Variants in SKAP1 observed in about 807,000 individuals in gnomAD.
The protein encoded by SKAP1 is src kinase-associated phosphoprotein 1.
In SKAP1, 44 loss-of-function variants were observed where a neutral mutation model predicts 58.5. The observed-to-expected ratio is 0.75, with a 90% CI of 0.59 to 0.97. The LOEUF is 0.97. SKAP1 is among the 50% of genes least tolerant of loss of function. The pLI is 0.00. For missense variants in SKAP1, 390 were observed against 435.2 expected, an observed-to-expected ratio of 0.90 and a Z score of 0.92; for synonymous variants, 127 against 149.7, an observed-to-expected ratio of 0.85 and a Z score of 1.11.
At chr17:48,330,153 C>T (rs1168846501) in intron 4 of SKAP1, among the ~76,000 whole-genome samples, 6 of 152,180 alleles carry the variant, frequency 3.9e-5, no homozygotes, top group Non-Finnish European at 8.8e-5. Flanking sequence ...TCTCCCTGTA[C>T]AGGGCTTTCT....
intron 4 of SKAP1, among the ~76,000 whole-genome samples, chr17:48,335,983 CAT>C (rs1441005514): frequency 1.3e-5 from 2 of 152,112 alleles, no homozygotes; most frequent in Non-Finnish European, 2.9e-5. Context: ...CGTAAGCTCA[CAT>C]GTTGAGAACT....
At chr17:48,352,349 G>A (rs2066813632) in intron 3 of SKAP1, among the ~76,000 whole-genome samples, 1 of 152,124 alleles carries the variant, frequency 6.6e-6, no homozygotes, top group African/African-American at 2.4e-5. Flanking sequence ...GTACTAAAAT[G>A]GAACCTGCTG....
intron 4 of SKAP1, among the ~76,000 whole-genome samples, chr17:48,312,167 C>T (rs930595699): frequency 1.3e-5 from 2 of 152,210 alleles, no homozygotes; most frequent in Non-Finnish European, 2.9e-5. Flanking sequence ...TGTCCAAACA[C>T]ACAAACTACT....
chr17:48,183,668 A>G (rs1008755405), intron 7 of SKAP1, among the ~76,000 whole-genome samples: 2 of 152,162 alleles, frequency 1.3e-5, no homozygotes, highest in Non-Finnish European at 2.9e-5. Flanking sequence ...TTACTATCAG[A>G]ATGTAATAAT....
At chr17:48,176,505 T>C (rs1310046994) in intron 9 of SKAP1, among the ~76,000 whole-genome samples, 1 of 152,178 alleles carries the variant, frequency 6.6e-6, no homozygotes, top group Admixed American at 6.5e-5. Context: ...TTTCTACATA[T>C]TGCTTTAGCA....
chr17:48,405,437 CTTTCTTTCTTTCTTTTCTTTCTT>C (rs2067564439), intron 1 of SKAP1, among the ~76,000 whole-genome samples: 1 of 80,094 alleles, frequency 1.2e-5, no homozygotes, highest in Non-Finnish European at 2.5e-5. Context: ...TTCTTTCTTT[CTTTCTTTCTTTCTTTTCTTTCTT>C]TCTTTCCTTC....
At chr17:48,149,048 G>T (rs924188542) in intron 11 of SKAP1, among the ~76,000 whole-genome samples, 2 of 152,090 alleles carry the variant, frequency 1.3e-5, no homozygotes, top group Non-Finnish European at 2.9e-5. Context: ...TGTTCATTTG[G>T]GGTTGGAGCC....
intron 4 of SKAP1, among the ~76,000 whole-genome samples, chr17:48,259,407 A>G (rs1312236652): frequency 6.6e-6 from 1 of 152,128 alleles, no homozygotes; most frequent in Non-Finnish European, 1.5e-5. Flanking sequence ...ACAAATACAC[A>G]CAGTGTCTGA....
At chr17:48,297,548 A>C (rs2065995366) in intron 4 of SKAP1, among the ~76,000 whole-genome samples, 1 of 152,210 alleles carries the variant, frequency 6.6e-6, no homozygotes, top group Admixed American at 6.5e-5. Flanking sequence ...TTTAAATCAG[A>C]CCTACCACCC....
intron 4 of SKAP1, among the ~76,000 whole-genome samples, chr17:48,324,897 C>T (rs1027658523): frequency 1.3e-5 from 2 of 152,044 alleles, no homozygotes; most frequent in African/African-American, 2.4e-5. Context: ...AGTATTTTCA[C>T]CTACTGCCAC....
chr17:48,315,860 T>C (rs913431522), intron 4 of SKAP1, among the ~76,000 whole-genome samples: 3 of 152,202 alleles, frequency 2.0e-5, no homozygotes, highest in Admixed American at 2.0e-4. Flanking sequence ...GAAACATAAA[T>C]GGATTTCATG....
chr17:48,369,595 T>C (rs1024560283), intron 2 of SKAP1, among the ~76,000 whole-genome samples: 8 of 152,178 alleles, frequency 5.3e-5, no homozygotes, highest in Admixed American at 5.2e-4. Flanking sequence ...CAGCAGTCAC[T>C]GTAGTAGTAA....
chr17:48,301,220 T>C (rs35323848), intron 4 of SKAP1, among the ~76,000 whole-genome samples: 3,756 of 152,280 alleles, frequency 0.025, 173 homozygotes, highest in African/African-American at 0.086. Flanking sequence ...CACTCTAAGA[T>C]CACTAATAAC....
chr17:48,152,654 T>G (rs1345549066), intron 11 of SKAP1, among the ~76,000 whole-genome samples: 1 of 152,186 alleles, frequency 6.6e-6, no homozygotes, highest in Non-Finnish European at 1.5e-5. Context: ...TCTAATAAAT[T>G]CACAATATTT....
intron 4 of SKAP1, among the ~76,000 whole-genome samples, chr17:48,229,065 C>T (rs931704751): frequency 6.6e-5 from 10 of 152,176 alleles, no homozygotes; most frequent in African/African-American, 2.2e-4. Context: ...CTTGGTCGTG[C>T]ATCCCTGAGG....
At chr17:48,377,136 G>A (rs2067159561) in intron 2 of SKAP1, 1 of 151,376 alleles carries the variant, frequency 6.6e-6, no homozygotes, top group African/African-American at 2.4e-5. Context: ...TGACGTCATG[G>A]AAAGAGTGAG....
At chr17:48,270,633 G>A (rs62067799) in intron 4 of SKAP1, among the ~76,000 whole-genome samples, 29,568 of 151,960 alleles carry the variant, frequency 0.19, 2,938 homozygotes, top group Admixed American at 0.21. Flanking sequence ...GAGCCACTGC[G>A]CCTGGCCCTA....
chr17:48,301,343 C>A (rs7219985), intron 4 of SKAP1, among the ~76,000 whole-genome samples: 1 of 151,988 alleles, frequency 6.6e-6, no homozygotes, highest in Non-Finnish European at 1.5e-5. Flanking sequence ...CAATATCCAA[C>A]AAATTATAAA....
At chr17:48,284,389 G>T (rs11656589) in intron 4 of SKAP1, among the ~76,000 whole-genome samples, 14,100 of 152,190 alleles carry the variant, frequency 0.093, 997 homozygotes, top group African/African-American at 0.17. Flanking sequence ...AGGAAAAACT[G>T]TTTGCCATTT....
Sources: allele counts gnomAD v4.1 joint callset (sites outside exome capture counted in the v4.1 genomes callset), GRCh38; gene constraint gnomAD v4.1.1; transcripts MANE v1.5; gene names NCBI Gene and HGNC (gene_info 2026-07-23, HGNC 2026-07-21).